Variants in MTHFD1L observed in about 807,000 individuals in gnomAD.
MTHFD1L encodes methylenetetrahydrofolate dehydrogenase (NADP+ dependent) 1 like.
In MTHFD1L, 81 loss-of-function variants were observed where a neutral mutation model predicts 119.5. That is an observed-to-expected ratio of 0.68 (90% CI 0.57 to 0.82). MTHFD1L has a LOEUF of 0.82. Ranked by LOEUF, MTHFD1L falls within the 40% of genes least tolerant of loss-of-function variation. MTHFD1L has a pLI of 0.00. For synonymous variants in MTHFD1L, 430 were observed against 475.2 expected (o/e 0.90, Z 1.24); for missense variants, 1,125 against 1,253.4 (o/e 0.90, Z 1.55).
intron 13 of MTHFD1L, among the ~76,000 whole-genome samples, chr6:150,939,702 T>TTTTTTTTTTA (rs1792751088): frequency 4.0e-5 from 6 of 149,016 alleles, no homozygotes; most frequent in African/African-American, 1.0e-4. Flanking sequence ...TTTTTTTTTT[T>TTTTTTTTTTA]GAGACAGAGT....
chr6:150,993,433 G>A (rs1211796374), intron 20 of MTHFD1L, among the ~76,000 whole-genome samples: 1 of 151,878 alleles, frequency 6.6e-6, no homozygotes, highest in African/African-American at 2.4e-5. Flanking sequence ...CGATTCTTGT[G>A]CCTTAGCCTC....
intron 27 of MTHFD1L, among the ~76,000 whole-genome samples, chr6:151,095,266 G>A (rs1181931545): frequency 2.0e-5 from 3 of 152,196 alleles, no homozygotes; most frequent in Non-Finnish European, 1.5e-5. Context: ...CTTGTGTGTT[G>A]CCAATGTCTT....
chr6:151,067,917 C>T (rs752843301), intron 26 of MTHFD1L, among the ~76,000 whole-genome samples: 3 of 152,194 alleles, frequency 2.0e-5, no homozygotes, highest in African/African-American at 7.2e-5. Context: ...ATGTGTCTCA[C>T]GTAATGCATG....
intron 16 of MTHFD1L, among the ~76,000 whole-genome samples, 155 bp downstream of exon 16, chr6:150,949,288 C>A (rs957035999): frequency 1.6e-4 from 25 of 152,082 alleles, no homozygotes; most frequent in Non-Finnish European, 2.9e-5. Flanking sequence ...TTACTATTAT[C>A]GTACCACCCT....
chr6:150,980,336 C>T (rs1447811180), intron 20 of MTHFD1L, among the ~76,000 whole-genome samples: 3 of 152,174 alleles, frequency 2.0e-5, no homozygotes, highest in South Asian at 4.1e-4. Flanking sequence ...GAAGCTCATT[C>T]GTCCCCTCGC....
At chr6:151,004,655 T>C (rs1388584904) in intron 20 of MTHFD1L, among the ~76,000 whole-genome samples, 5 of 152,212 alleles carry the variant, frequency 3.3e-5, no homozygotes, top group African/African-American at 1.2e-4. Flanking sequence ...GCTAGCAGTA[T>C]TTACCCAAAT....
chr6:150,901,259 A>G (rs1785062598), intron 7 of MTHFD1L, among the ~76,000 whole-genome samples: 1 of 152,166 alleles, frequency 6.6e-6, no homozygotes. Context: ...ACTTGAGCCC[A>G]GGAATTCAAG....
intron 4 of MTHFD1L, 33 bp from the exon 5 acceptor site, chr6:150,882,729 A>G (rs752127111): frequency 2.1e-6 from 3 of 1,408,068 alleles, no homozygotes; most frequent in Non-Finnish European, 2.8e-6. Context: ...TCACAAAACT[A>G]ATTTTTATTT....
Position 150,944,598 on chromosome 6 carries a change from G to A in MTHFD1L, c.1548+5G>A, listed in dbSNP as rs1793643970. The A allele has an allele frequency of 6.2e-7, 1 of 1,606,368 alleles. No individual in the cohort carries two copies. Among genetic ancestry groups the A allele is most frequent in the Non-Finnish European group, 8.5e-7 (1 of 1,173,762 alleles). On this transcript the variant is annotated splice_donor_5th_base_variant and intron_variant, in intron 14 of 27. Coordinates refer to ENST00000367321, the MANE Select transcript of MTHFD1L (RefSeq NM_015440.5). ...GAAAACACGCAAACAGATAAGGTGA[G>A]AAGGATGCCTTGCTAGCCATTTTGG...
chr6:151,079,871 T>C (rs1482049311), intron 26 of MTHFD1L, among the ~76,000 whole-genome samples: 1 of 149,858 alleles, frequency 6.7e-6, no homozygotes, highest in Non-Finnish European at 1.5e-5. Context: ...TGGTAAAAAT[T>C]AAATTAAAAA....
intron 19 of MTHFD1L, among the ~76,000 whole-genome samples, chr6:150,969,553 G>A (rs1176713645): frequency 6.6e-6 from 1 of 150,898 alleles, no homozygotes; most frequent in Non-Finnish European, 1.5e-5. Context: ...TCATATACAG[G>A]ACTGGGCTTG....
chr6:151,074,416 A>T (rs1792295870), intron 26 of MTHFD1L, among the ~76,000 whole-genome samples: 1 of 152,272 alleles, frequency 6.6e-6, no homozygotes, highest in East Asian at 1.9e-4. Context: ...AATGTAGTAT[A>T]GCGTTAAAAA....
At chr6:151,034,466 AT>A in intron 24 of MTHFD1L, 26 bp from the exon 25 acceptor site, 1 of 1,448,494 alleles carries the variant, frequency 6.9e-7, no homozygotes, top group Non-Finnish European at 9.7e-7. Flanking sequence ...AACTTATACA[AT>A]TTTGTTATAA....
Position 150,905,505 on chromosome 6 carries a change from A to G in MTHFD1L, c.781-145A>G, listed in dbSNP as rs952652151. ...TTTGTATTAATACATGCTTGAAAGG[A>G]ATTAGTAAAGCGATTCCATCCTTGT... On this transcript the variant is annotated intron_variant, in intron 7 of 27. Transcript: ENST00000367321. 3 of 625,628 alleles carry G rather than the reference A, an allele frequency of 4.8e-6. No homozygotes were observed. In the African/African-American group the frequency reaches 5.5e-5, roughly 11 times the overall value. The allele number at this position is 625,628 out of a possible 1,614,324, so 38.8% of individuals were successfully genotyped here. A position where few individuals can be genotyped will look rare whatever the true frequency, so the allele number is the denominator to read the frequency against.
chr6:151,012,409 G>A (rs1051463020), intron 21 of MTHFD1L, among the ~76,000 whole-genome samples: 3 of 151,616 alleles, frequency 2.0e-5, no homozygotes, highest in East Asian at 1.9e-4. Context: ...CAAATACTGC[G>A]CTGGGATCGA....
chr6:150,951,743 T>C (rs751044084), intron 16 of MTHFD1L, among the ~76,000 whole-genome samples: 3 of 152,110 alleles, frequency 2.0e-5, no homozygotes, highest in Non-Finnish European at 2.9e-5. Context: ...TTTTTATAAC[T>C]AGGAAGATTT....
chr6:151,050,131 C>T (rs919948055), intron 26 of MTHFD1L, among the ~76,000 whole-genome samples: 40 of 152,178 alleles, frequency 2.6e-4, no homozygotes, highest in African/African-American at 9.2e-4. Flanking sequence ...GCCCTACACA[C>T]CTCTTCATAT....
chr6:150,924,853 T>C (rs746110718), intron 10 of MTHFD1L, among the ~76,000 whole-genome samples: 2 of 152,118 alleles, frequency 1.3e-5, no homozygotes, highest in Non-Finnish European at 2.9e-5. Flanking sequence ...AAAAAAACTA[T>C]GGCCAGGAAG....
At chr6:150,976,963 A>G (rs1341572079) in intron 20 of MTHFD1L, among the ~76,000 whole-genome samples, 2 of 152,220 alleles carry the variant, frequency 1.3e-5, no homozygotes, top group African/African-American at 2.4e-5. Context: ...TCAAAAATAT[A>G]TTTAAGTCCT....
Sources: gnomAD v4.1 joint callset for allele counts (sites outside exome capture counted in the v4.1 genomes callset) on GRCh38, gnomAD v4.1.1 for gene constraint, MANE v1.5 for transcripts, NCBI Gene and HGNC (gene_info 2026-07-23, HGNC 2026-07-21) for gene names.